The following ROBO1 variants were observed in gnomAD, a reference collection of about 807,000 sequenced individuals.
ROBO1 encodes roundabout guidance receptor 1.
A neutral mutation model predicts 195.9 loss-of-function variants in ROBO1; 149 were observed. That is an observed-to-expected ratio of 0.76 (90% CI 0.67 to 0.87). The LOEUF is 0.87. Among genes scored for constraint, ROBO1 ranks in the 40% least tolerant of loss-of-function variants. The probability of loss-of-function intolerance (pLI) is 0.00; values close to 1 mark genes in which losing one functional copy is unlikely to be tolerated. For missense variants in ROBO1, 1,933 were observed against 2,068.3 expected, an observed-to-expected ratio of 0.93 and a Z score of 1.27; for synonymous variants, 816 against 733.2, an observed-to-expected ratio of 1.11 and a Z score of -1.82.
chr3:78,981,826 A>AC (rs1559556530), intron 3 of ROBO1, among the ~76,000 whole-genome samples: 49 of 135,536 alleles, frequency 3.6e-4, no homozygotes, highest in African/African-American at 5.9e-4. Flanking sequence ...CACACACACA[A>AC]AAACACACCC....
rs143307617 is a variant in ROBO1 at position 78,846,043 on chromosome 3, AT to A, written c.499+92557del. On this transcript the variant is annotated intron_variant, in intron 4 of 30. Transcript: ENST00000464233. ...GTACACATAGAAATTAGCCCCAAAG[AT>A]TTTTTTTTTCCTCTGCCAATTGCCC... Among the ~76,000 whole-genome samples the A allele has an allele frequency of 3.0e-3, 449 of 150,468 alleles. 6 individuals are homozygous for A. Among genetic ancestry groups the A allele is most frequent in the Admixed American group, 0.027 (411 of 15,066 alleles).
chr3:79,651,215 A>G (rs1945996571), intron 1 of ROBO1, among the ~76,000 whole-genome samples: 1 of 152,112 alleles, frequency 6.6e-6, no homozygotes, highest in Admixed American at 6.6e-5. Context: ...TCTTAGGAGA[A>G]GAAGGGAATC....
At chr3:79,417,774 A>G (rs1411074085) in intron 2 of ROBO1, among the ~76,000 whole-genome samples, 2 of 152,130 alleles carry the variant, frequency 1.3e-5, no homozygotes, top group Non-Finnish European at 2.9e-5. Flanking sequence ...TTGCATTCTA[A>G]TCAATCCTAT....
intron 4 of ROBO1, among the ~76,000 whole-genome samples, chr3:78,749,345 G>A (rs1198770436): frequency 1.3e-5 from 2 of 151,892 alleles, no homozygotes; most frequent in African/African-American, 2.4e-5. Context: ...AATATCAAAG[G>A]TCTAAGTCAG....
chr3:79,060,933 C>T (rs1382134250), intron 3 of ROBO1, among the ~76,000 whole-genome samples: 2 of 152,234 alleles, frequency 1.3e-5, no homozygotes, highest in African/African-American at 2.4e-5. Context: ...CCTTTGAAAA[C>T]TGGCACAAGG....
chr3:79,711,811 C>T (rs1180877945), intron 1 of ROBO1, among the ~76,000 whole-genome samples: 3 of 151,190 alleles, frequency 2.0e-5, no homozygotes, highest in African/African-American at 7.3e-5. Flanking sequence ...CCCTTCCTGT[C>T]TGTCACATTT....
At chr3:79,711,519 G>T (rs1424461076) in intron 1 of ROBO1, among the ~76,000 whole-genome samples, 1 of 152,018 alleles carries the variant, frequency 6.6e-6, no homozygotes. Flanking sequence ...AATTAAAATA[G>T]AAAAGTATGA....
rs1273655368 is a variant in ROBO1 at position 79,237,279 on chromosome 3, G to A, written c.89-111740C>T. ...GGGCGGATCACGAGGTCAGGAGATC[G>A]AGACCATCCCTGCTAACACGTTGAA... On this transcript the variant is annotated intron_variant, in intron 2 of 30. Transcript: ENST00000464233. Among the ~76,000 whole-genome samples, 3 of 151,966 alleles carry A rather than the reference G, an allele frequency of 2.0e-5. 1 individual carries two copies. The highest frequency in any genetic ancestry group is 4.4e-5 in the Non-Finnish European group (3 of 67,984).
chr3:79,751,041 TGG>T (rs1576318050), intron 1 of ROBO1, among the ~76,000 whole-genome samples: 1 of 152,246 alleles, frequency 6.6e-6, no homozygotes, highest in Non-Finnish European at 1.5e-5. Flanking sequence ...TCTAACTCTA[TGG>T]CACAGTAGCT....
intron 4 of ROBO1, among the ~76,000 whole-genome samples, chr3:78,772,201 T>C (rs1197447542): frequency 1.2e-5 from 1 of 83,660 alleles, no homozygotes; most frequent in African/African-American, 3.9e-5. Context: ...CCTTTGGAGA[T>C]TACAATAGTC....
At position 79,750,052 on chromosome 3, in the gene ROBO1, C is replaced by T. The variant is rs1289956061; in HGVS notation, c.-51+17700G>A. Reference sequence around the variant, plus strand: ...AAAAGCAGCCAGGAGGGAGGCTGTACCCTGCAAAGGCACAGGGGTGGAGCT... The same window carrying T: ...AAAAGCAGCCAGGAGGGAGGCTGTATCCTGCAAAGGCACAGGGGTGGAGCT... On this transcript the variant is annotated intron_variant, in intron 1 of 30. Coordinates refer to ENST00000464233, the MANE Select transcript of ROBO1 (RefSeq NM_002941.4). 2.6e-5 allele frequency among the ~76,000 whole-genome samples: 4 copies of T among 152,324 alleles called. No individual in the cohort carries two copies. The East Asian group carries it at 7.7e-4, about 29-fold the overall frequency.
intron 29 of ROBO1, among the ~76,000 whole-genome samples, chr3:78,602,331 C>G (rs1703224202): frequency 6.6e-6 from 1 of 152,060 alleles, no homozygotes; most frequent in African/African-American, 2.4e-5. Flanking sequence ...TGTGATGTGC[C>G]TACTCTGCCT....
chr3:79,079,448 A>G (rs2079231545), intron 3 of ROBO1, among the ~76,000 whole-genome samples: 1 of 151,878 alleles, frequency 6.6e-6, no homozygotes, highest in South Asian at 2.1e-4. Context: ...CTTTTAATGA[A>G]TGAATTAAAA....
chr3:79,422,867 C>T (rs2038287747), intron 2 of ROBO1, among the ~76,000 whole-genome samples: 1 of 152,108 alleles, frequency 6.6e-6, no homozygotes, highest in Non-Finnish European at 1.5e-5. Context: ...ACCTCCCACT[C>T]ACACAGAATT....
rs190924649 is a variant in ROBO1 at position 79,295,875 on chromosome 3, G to T, written c.89-170336C>A. 1.5e-3 allele frequency among the ~76,000 whole-genome samples: 223 copies of T among 152,122 alleles called. 1 individual carries two copies. The highest frequency in any genetic ancestry group is 5.1e-3 in the African/African-American group (210 of 41,518). ...CTCTCCCAAAACAATAATTAAAAAA[G>T]AACAAAACAACTAAACTCTGAGAAT... On this transcript the variant is annotated intron_variant, in intron 2 of 30. Coordinates refer to ENST00000464233, the MANE Select transcript of ROBO1 (RefSeq NM_002941.4).
intron 1 of ROBO1, among the ~76,000 whole-genome samples, chr3:79,655,802 T>C (rs1012657974): frequency 1.3e-5 from 2 of 152,062 alleles, no homozygotes; most frequent in South Asian, 4.1e-4. Context: ...CCGAGATGTG[T>C]TCCCTGTAGT....
intron 2 of ROBO1, among the ~76,000 whole-genome samples, chr3:79,451,840 C>T (rs1462917378): frequency 6.6e-6 from 1 of 151,888 alleles, no homozygotes; most frequent in Non-Finnish European, 1.5e-5. Flanking sequence ...AGAGGTCTTG[C>T]TGTAAACAAT....
At chr3:78,880,325 A>G (rs1448314894) in intron 4 of ROBO1, among the ~76,000 whole-genome samples, 2 of 152,180 alleles carry the variant, frequency 1.3e-5, no homozygotes, top group African/African-American at 4.8e-5. Context: ...AAACAAGAGC[A>G]GTGAAATGTT....
At chr3:78,760,206 T>A (rs1012564536) in intron 4 of ROBO1, among the ~76,000 whole-genome samples, 1 of 152,182 alleles carries the variant, frequency 6.6e-6, no homozygotes, top group Non-Finnish European at 1.5e-5. Flanking sequence ...TGTGGAACTG[T>A]GAGTCCATTA....
Sources: gnomAD v4.1 joint callset for allele counts (sites outside exome capture counted in the v4.1 genomes callset) on GRCh38, gnomAD v4.1.1 for gene constraint, MANE v1.5 for transcripts, NCBI Gene and HGNC (gene_info 2026-07-23, HGNC 2026-07-21) for gene names.